FAT4: variants seen among roughly 807,000 people sequenced by gnomAD.
The protein encoded by FAT4 is protocadherin Fat 4.
Under a neutral mutation model 303.9 loss-of-function variants are expected in FAT4, and 84 were observed. That is an observed-to-expected ratio of 0.28 (90% CI 0.23 to 0.33). The LOEUF (loss-of-function observed/expected upper bound fraction) is 0.33. Ranked by LOEUF, FAT4 falls within the 10% of genes least tolerant of loss-of-function variation. The probability of loss-of-function intolerance (pLI) is 1.00; values close to 1 mark genes in which losing one functional copy is unlikely to be tolerated. For synonymous variants in FAT4, 2,307 were observed against 2,298.8 expected, an observed-to-expected ratio of 1.00 and a Z score of -0.10; for missense variants, 6,005 against 6,146.8, an observed-to-expected ratio of 0.98 and a Z score of 0.77.
chr4:125,400,858 G>C (rs1271878646), intron 3 of FAT4, among the ~76,000 whole-genome samples: 1 of 151,994 alleles, frequency 6.6e-6, no homozygotes, highest in Non-Finnish European at 1.5e-5. Flanking sequence ...GGCCAGAAAA[G>C]TATAAGGCTA....
intron 8 of FAT4, among the ~76,000 whole-genome samples, chr4:125,435,840 C>T (rs1725432056): frequency 6.6e-6 from 1 of 152,000 alleles, no homozygotes; most frequent in East Asian, 1.9e-4. Context: ...ATAAACTGGT[C>T]TACATTTGGA....
intron 2 of FAT4, among the ~76,000 whole-genome samples, chr4:125,370,790 A>G (rs1733075801): frequency 1.3e-5 from 2 of 152,260 alleles, no homozygotes; most frequent in East Asian, 1.9e-4. Context: ...TCAAATTGAC[A>G]AAAATTTTCA....
rs756258593 is a variant in FAT4, at chr4:125,468,500, T to G, written c.11906-12T>G. On this transcript the variant is annotated splice_polypyrimidine_tract_variant and intron_variant, in intron 11 of 17. Transcript: ENST00000394329. Reference sequence around the variant, plus strand: ...AAATTTTATGCCAGTTTGTCAATTTTCCCTCCAACAGGTGTCTTTGGAAAA... The same window carrying G: ...AAATTTTATGCCAGTTTGTCAATTTGCCCTCCAACAGGTGTCTTTGGAAAA... 7.1e-7 allele frequency: 1 copy of G among 1,414,330 alleles called. No individual in the cohort carries two copies. The highest frequency in any genetic ancestry group is 9.3e-7 in the Non-Finnish European group (1 of 1,074,056). 87.6% of individuals were successfully genotyped at this position (1,414,330 alleles called of 1,614,324 possible).
At chr4:125,348,399 G>T (rs1278102183) in intron 2 of FAT4, among the ~76,000 whole-genome samples, 2 of 151,844 alleles carry the variant, frequency 1.3e-5, no homozygotes, top group South Asian at 2.1e-4. Context: ...ACTTCAGAAA[G>T]TTGAAGGATC....
chr4:125,330,092 G>A (rs1731319053), intron 2 of FAT4, among the ~76,000 whole-genome samples: 1 of 152,044 alleles, frequency 6.6e-6, no homozygotes, highest in Admixed American at 6.6e-5. Flanking sequence ...ACCTACACTG[G>A]CTTCTTTCTA....
rs368024062 is a variant in FAT4 at position 125,434,377 on chromosome 4, T to C, written c.7151T>C (p.Leu2384Ser). 115 of 1,613,956 alleles carry C rather than the reference T, an allele frequency of 7.1e-5. No individual in the cohort carries two copies. Among genetic ancestry groups the C allele is most frequent in the Non-Finnish European group, 9.2e-5 (109 of 1,179,966 alleles). Reference sequence around the variant, plus strand: ...GATGCACCAACTGGAACAGATGTTTTATTGGTAAATGCCTCAGATGCTGAT... The same window carrying C: ...GATGCACCAACTGGAACAGATGTTTCATTGGTAAATGCCTCAGATGCTGAT... Reference protein sequence around the residue: ...PEDAPTGTDVLLVNASDADAS... With the variant: ...PEDAPTGTDVSLVNASDADAS... The change falls in exon 8 of 18, where the codon TTA becomes TCA. Residue 2384 changes from leucine (L) to serine (S), a missense_variant. By Grantham distance (145) the Leu-to-Ser change is moderately radical (BLOSUM62 -2). Transcript: ENST00000394329.
Position 125,320,624 on chromosome 4 carries a change from T to C in FAT4, c.4213T>C (p.Ser1405Pro). Reference sequence around the variant, plus strand: ...AAGACCTCCTCGTTCATCTACAATGTCAGTGGTTATTCACGTGAGGGACTT... The same window carrying C: ...AAGACCTCCTCGTTCATCTACAATGCCAGTGGTTATTCACGTGAGGGACTT... Reference protein sequence around the residue: ...QGRPPRSSTMSVVIHVRDFND... With the variant: ...QGRPPRSSTMPVVIHVRDFND... The change falls in exon 2 of 18, where the codon TCA (serine) becomes CCA (proline). Residue 1405 changes from serine to proline, a missense_variant. Transcript: ENST00000394329. 1 of 1,614,134 alleles carries C rather than the reference T, an allele frequency of 6.2e-7. No homozygotes were observed. The highest frequency in any genetic ancestry group is 1.3e-5 in the African/African-American group (1 of 75,060).
intron 16 of FAT4, among the ~76,000 whole-genome samples, chr4:125,485,774 G>A (rs568487106): frequency 6.6e-6 from 1 of 152,064 alleles, no homozygotes; most frequent in South Asian, 2.1e-4. Flanking sequence ...TATACAACTG[G>A]CAGCTCAGTA....
chr4:125,347,022 G>A (rs1449014751), intron 2 of FAT4, among the ~76,000 whole-genome samples: 1 of 151,830 alleles, frequency 6.6e-6, no homozygotes, highest in African/African-American at 2.4e-5. Flanking sequence ...TCTAGGAATG[G>A]GAGCATTTAC....
chr4:125,381,477 A>T (rs1387996506), intron 2 of FAT4, among the ~76,000 whole-genome samples: 1 of 152,190 alleles, frequency 6.6e-6, no homozygotes, highest in East Asian at 1.9e-4. Context: ...TCTATACTGT[A>T]GTCTGTTAAG....
At chr4:125,381,147 A>G (rs1733524529) in intron 2 of FAT4, among the ~76,000 whole-genome samples, 1 of 152,212 alleles carries the variant, frequency 6.6e-6, no homozygotes, top group Non-Finnish European at 1.5e-5. Context: ...GTAACATGGT[A>G]TTAAGAGAAA....
chr4:125,359,097 A>G (rs909464176), intron 2 of FAT4, among the ~76,000 whole-genome samples: 1 of 152,194 alleles, frequency 6.6e-6, no homozygotes, highest in Non-Finnish European at 1.5e-5. Context: ...AAGCAGCAGC[A>G]TAAATATCTA....
intron 11 of FAT4, 89 bp from the exon 12 acceptor site, chr4:125,468,423 C>A: frequency 1.0e-6 from 1 of 958,798 alleles, no homozygotes; most frequent in Non-Finnish European, 1.4e-6. Flanking sequence ...AAAGATATCT[C>A]ATTTTATAAT....
At chr4:125,466,726 C>A (rs554894677) in intron 11 of FAT4, among the ~76,000 whole-genome samples, 2 of 150,396 alleles carry the variant, frequency 1.3e-5, no homozygotes, top group South Asian at 4.2e-4. Flanking sequence ...ATTCCTTTGC[C>A]TTTTCTTCAA....
rs575276337 is a variant in FAT4 at position 125,455,192 on chromosome 4, G to A, written c.11800+2382G>A. 1.1e-4 allele frequency among the ~76,000 whole-genome samples: 16 copies of A among 152,236 alleles called. No individual in the cohort carries two copies. In the South Asian group the frequency reaches 2.9e-3, roughly 28 times the overall value. ...TTATTCACACTTAGGTTTAGATTGAGTTTACATTTAGTCCTAGAATGAAGA... is the reference window on the plus strand; with the variant it reads ...TTATTCACACTTAGGTTTAGATTGAATTTACATTTAGTCCTAGAATGAAGA... On this transcript the variant is annotated intron_variant, in intron 10 of 17. Transcript: ENST00000394329.
At position 125,398,899 on chromosome 4, in the gene FAT4, C is replaced by T. The variant is rs759443780; in HGVS notation, c.5291C>T (p.Ala1764Val). ...GGCTCTAAGATTATGCAGCTGACAGCCATGGATGCTGATGAGGTAGCTCAA... is the reference window on the plus strand; with the variant it reads ...GGCTCTAAGATTATGCAGCTGACAGTCATGGATGCTGATGAGGTAGCTCAA... Reference protein sequence around the residue: ...GDGSKIMQLTAMDADEGANAL... With the variant: ...GDGSKIMQLTVMDADEGANAL... Residue 1764 changes from alanine (A) to valine (V), a missense_variant, in exon 3 of 18, where the codon GCC (alanine) becomes GTC (valine). Transcript: ENST00000394329. The T allele has an allele frequency of 2.5e-6, 4 of 1,612,926 alleles. No homozygotes were observed. Among genetic ancestry groups the T allele is most frequent in the Admixed American group, 3.3e-5 (2 of 59,974 alleles).
At chr4:125,321,707 C>T (rs1407563720) in intron 2 of FAT4, 121 bp downstream of exon 2, 27 of 1,029,104 alleles carry the variant, frequency 2.6e-5, no homozygotes, top group Non-Finnish European at 3.2e-5. Context: ...TGAACAGGAA[C>T]ACCTAAAAAT....
At position 125,319,298 on chromosome 4, in the gene FAT4, C is replaced by G. The variant is rs925597520; in HGVS notation, c.2887C>G (p.Gln963Glu). The change falls in exon 2 of 18, where the codon CAA becomes GAA. Residue 963 changes from glutamine to glutamate, a missense_variant. Coordinates refer to ENST00000394329, the MANE Select transcript of FAT4 (RefSeq NM_001291303.3). ...GPLDVHAGSYQIEILASDMGV... is the reference protein window; with the variant it reads ...GPLDVHAGSYEIEILASDMGV... ...CCTGGATGTTCATGCTGGCTCCTACCAAATAGAGATCTTGGCATCTGACAT... is the reference window on the plus strand; with the variant it reads ...CCTGGATGTTCATGCTGGCTCCTACGAAATAGAGATCTTGGCATCTGACAT... 1.2e-6 allele frequency: 2 copies of G among 1,613,930 alleles called. No individual in the cohort carries two copies. Among genetic ancestry groups the G allele is most frequent in the South Asian group, 2.2e-5 (2 of 91,082 alleles).
intron 9 of FAT4, 26 bp from the exon 10 acceptor site, chr4:125,448,435 A>G: frequency 1.3e-6 from 2 of 1,564,214 alleles, no homozygotes; most frequent in Non-Finnish European, 1.7e-6. Flanking sequence ...CCACGTGAGT[A>G]TAACTGCACA....
Sources: allele counts gnomAD v4.1 joint callset (sites outside exome capture counted in the v4.1 genomes callset), GRCh38; gene constraint gnomAD v4.1.1; transcripts MANE v1.5; gene names NCBI Gene and HGNC (gene_info 2026-07-23, HGNC 2026-07-21).